Variants in FRAS1 observed in about 807,000 individuals in gnomAD.
FRAS1 encodes Fraser extracellular matrix complex subunit 1.
FRAS1 carries 290 observed loss-of-function variants against 435.2 expected under a neutral mutation model. The ratio of observed to expected loss-of-function variants is 0.67; its 90% CI spans 0.61 to 0.73. The LOEUF is 0.73. Ranked by LOEUF, FRAS1 falls within the 30% of genes least tolerant of loss-of-function variation. The pLI is 0.00. For synonymous variants in FRAS1, 1,800 were observed against 1,851.0 expected (o/e 0.97, Z 0.71); for missense variants, 4,860 against 5,001.5 (o/e 0.97, Z 0.85).
intron 29 of FRAS1, among the ~76,000 whole-genome samples, chr4:78,395,822 T>A (rs1456794973): frequency 6.6e-6 from 1 of 152,098 alleles, no homozygotes; most frequent in Non-Finnish European, 1.5e-5. Flanking sequence ...CACTCTGTGT[T>A]TTTTGATTGG....
intron 2 of FRAS1, among the ~76,000 whole-genome samples, chr4:78,188,204 G>A (rs1386735439): frequency 6.6e-6 from 1 of 152,070 alleles, no homozygotes; most frequent in Non-Finnish European, 1.5e-5. Flanking sequence ...TCCTTCCTCT[G>A]TGGAGAAAAG....
In FRAS1 at chr4:78,170,236, C is replaced by A. The variant is rs1055843701; in HGVS notation, c.109-67274C>A. On this transcript the variant is annotated intron_variant, in intron 2 of 73. Coordinates refer to ENST00000512123, the MANE Select transcript of FRAS1 (RefSeq NM_025074.7). ...TACGTTTGTTTACTATTTATCTTCTCCCCCTATGTTAAAGGCTGGGTTTGT... is the reference window on the plus strand; with the variant it reads ...TACGTTTGTTTACTATTTATCTTCTACCCCTATGTTAAAGGCTGGGTTTGT... Among the ~76,000 whole-genome samples, 5 of 152,088 alleles carry A rather than the reference C, an allele frequency of 3.3e-5. No individual in the cohort carries two copies. In the East Asian group the frequency reaches 7.7e-4, roughly 23 times the overall value.
intron 20 of FRAS1, among the ~76,000 whole-genome samples, chr4:78,362,540 G>A (rs185598197): frequency 5.3e-4 from 80 of 152,342 alleles, no homozygotes; most frequent in African/African-American, 1.8e-3. Flanking sequence ...TGCCTCAAGG[G>A]AAACATGGTG....
chr4:78,204,322 C>G (rs981897496), intron 2 of FRAS1, among the ~76,000 whole-genome samples: 1 of 152,136 alleles, frequency 6.6e-6, no homozygotes, highest in African/African-American at 2.4e-5. Context: ...TCTATATGGA[C>G]TAGCTAAACA....
chr4:78,509,084 A>G, intron 63 of FRAS1, 78 bp downstream of exon 63: 1 of 1,494,918 alleles, frequency 6.7e-7, no homozygotes, highest in Non-Finnish European at 9.2e-7. Context: ...AGATAATCAA[A>G]TTCCTTATGG....
intron 52 of FRAS1, 56 bp downstream of exon 52, chr4:78,472,386 C>T (rs1239429954): frequency 2.1e-6 from 3 of 1,449,554 alleles, no homozygotes; most frequent in Non-Finnish European, 2.8e-6. Flanking sequence ...TGTCACACTG[C>T]CTATCTCCCA....
chr4:78,509,101 C>A, intron 63 of FRAS1, 95 bp downstream of exon 63: 1 of 1,353,824 alleles, frequency 7.4e-7, no homozygotes, highest in South Asian at 1.3e-5. Context: ...ATGGTCCATG[C>A]ATGGCATTTG....
intron 2 of FRAS1, among the ~76,000 whole-genome samples, chr4:78,145,410 C>T (rs1578151457): frequency 1.3e-5 from 2 of 152,066 alleles, no homozygotes; most frequent in Non-Finnish European, 2.9e-5. Flanking sequence ...TTGTTTTTCA[C>T]TACTTTTCTT....
intron 15 of FRAS1, among the ~76,000 whole-genome samples, chr4:78,309,313 A>T (rs1728922179): frequency 6.6e-6 from 1 of 152,180 alleles, no homozygotes; most frequent in Non-Finnish European, 1.5e-5. Flanking sequence ...TAAGCCAAAG[A>T]GTTTATGGTA....
At chr4:78,474,925 A>G (rs368208694) in intron 53 of FRAS1, among the ~76,000 whole-genome samples, 22 of 152,126 alleles carry the variant, frequency 1.4e-4, no homozygotes, top group Non-Finnish European at 3.2e-4. Context: ...ATAAAGTTCT[A>G]TTTGTCTAAA....
At chr4:78,118,246 G>T (rs893247353) in intron 2 of FRAS1, among the ~76,000 whole-genome samples, 3 of 152,192 alleles carry the variant, frequency 2.0e-5, no homozygotes, top group Admixed American at 2.0e-4. Context: ...CCCTACTGGG[G>T]GGTGCCTCCC....
intron 37 of FRAS1, 70 bp downstream of exon 37, chr4:78,430,487 T>A: frequency 1.3e-6 from 2 of 1,522,800 alleles, no homozygotes; most frequent in Non-Finnish European, 1.8e-6. Flanking sequence ...TCAGTTGTTA[T>A]GTGTCTCAGA....
chr4:78,298,103 A>T (rs12511808), intron 14 of FRAS1, among the ~76,000 whole-genome samples: 46,049 of 145,970 alleles, frequency 0.32, 7,750 homozygotes, highest in Admixed American at 0.37. Context: ...ACATGATATT[A>T]TAAGGTATGT....
At position 78,179,351 on chromosome 4, in the gene FRAS1, T is replaced by G. The variant is rs79192227; in HGVS notation, c.109-58159T>G. Among the ~76,000 whole-genome samples, 1,500 of 152,354 alleles carry G rather than the reference T, an allele frequency of 9.8e-3. 15 individuals carry two copies. The highest frequency in any genetic ancestry group is 0.041 in the Middle Eastern group (12 of 294). On this transcript the variant is annotated intron_variant, in intron 2 of 73. Transcript: ENST00000512123. ...CAGAAAAAGCACCTGTGGTGGCCTC[T>G]TCTTTTTAATATCACGTGCCAGCAG...
chr4:78,360,780 C>T (rs17003157), intron 20 of FRAS1, among the ~76,000 whole-genome samples: 3,721 of 152,242 alleles, frequency 0.024, 177 homozygotes, highest in African/African-American at 0.084. Flanking sequence ...AATTAACACA[C>T]GTTACACTCC....
chr4:78,168,335 C>G (rs925368695), intron 2 of FRAS1, among the ~76,000 whole-genome samples: 1 of 152,094 alleles, frequency 6.6e-6, no homozygotes, highest in Non-Finnish European at 1.5e-5. Context: ...TTTCCCTCAG[C>G]TGCTCCTTGA....
At chr4:78,507,294 T>G in intron 61 of FRAS1, 127 bp from the exon 62 acceptor site, 1 of 853,364 alleles carries the variant, frequency 1.2e-6, no homozygotes, top group Non-Finnish European at 1.7e-6. Context: ...AGCCACTGCG[T>G]TTATAGAACA....
At chr4:78,162,169 T>A (rs1178315077) in intron 2 of FRAS1, among the ~76,000 whole-genome samples, 2 of 152,204 alleles carry the variant, frequency 1.3e-5, no homozygotes, top group Non-Finnish European at 2.9e-5. Flanking sequence ...TGATTTTTCC[T>A]TGTGTTCATG....
At chr4:78,220,492 G>T (rs144204005) in intron 2 of FRAS1, among the ~76,000 whole-genome samples, 83 of 152,258 alleles carry the variant, frequency 5.5e-4, no homozygotes, top group African/African-American at 1.9e-3. Context: ...CCACAATGTC[G>T]AGGTTGAGAC....
Sources: gnomAD v4.1 joint callset for allele counts (sites outside exome capture counted in the v4.1 genomes callset) on GRCh38, gnomAD v4.1.1 for gene constraint, MANE v1.5 for transcripts, NCBI Gene and HGNC (gene_info 2026-07-23, HGNC 2026-07-21) for gene names.